The following PRPF4 variants were observed in gnomAD, a reference collection of about 807,000 sequenced individuals.
PRPF4 encodes the protein U4/U6 small nuclear ribonucleoprotein Prp4.
Under a neutral mutation model 72.2 loss-of-function variants are expected in PRPF4, and 14 were observed. That is an observed-to-expected ratio of 0.19 (90% CI 0.13 to 0.30). The LOEUF (loss-of-function observed/expected upper bound fraction) is 0.30. Ranked by LOEUF, PRPF4 falls within the 10% of genes least tolerant of loss-of-function variation. The pLI, the probability that PRPF4 is intolerant of heterozygous loss-of-function variation, is 1.00. For synonymous variants in PRPF4, 225 were observed against 232.2 expected (o/e 0.97, Z 0.28); for missense variants, 478 against 653.9 (o/e 0.73, Z 2.93).
rs113035853 is a variant in PRPF4 at position 113,287,850 on chromosome 9, C to A, written c.933-325C>A. Among the ~76,000 whole-genome samples the A allele has an allele frequency of 1.2e-3, 179 of 152,294 alleles. 1 individual carries two copies. Among genetic ancestry groups the A allele is most frequent in the African/African-American group, 4.0e-3 (166 of 41,558 alleles). The stretch of plus-strand genomic sequence containing the variant: ...TAATGGCCACCAAAAGGAGACTAAG[C>A]CTCATCTCTATTTAGGAGTTCCTTT... On this transcript the variant is annotated intron_variant, in intron 9 of 13. Coordinates refer to ENST00000374198, the MANE Select transcript of PRPF4 (RefSeq NM_001244926.2).
At chr9:113,290,850 G>A in intron 12 of PRPF4, 43 bp downstream of exon 12, 1 of 1,612,148 alleles carries the variant, frequency 6.2e-7, no homozygotes, top group East Asian at 2.2e-5. Context: ...AGGGTTCTGG[G>A]TCAGTAAGTA....
At chr9:113,282,841 T>A (rs1473100126) in intron 4 of PRPF4, 108 bp downstream of exon 4, 1 of 1,086,048 alleles carries the variant, frequency 9.2e-7, no homozygotes, top group African/African-American at 1.6e-5. Flanking sequence ...GGGGGAAATG[T>A]TTTTGAAGGC....
chr9:113,282,578 A>G lies in PRPF4; in HGVS notation c.393-68A>G, dbSNP rs1000777457. ...ATAACAGTGTTTAAAACTGTGTTAA[A>G]GTGTACTTTAAAAACAGTATTATCT... On this transcript the variant is annotated intron_variant, in intron 3 of 13. Transcript: ENST00000374198. 2.3e-5 allele frequency: 28 copies of G among 1,225,254 alleles called. No individual in the cohort carries two copies. In the South Asian group the frequency reaches 3.9e-4, roughly 17 times the overall value. The allele number at this position is 1,225,254 out of a possible 1,614,324, so 75.9% of individuals were successfully genotyped here.
At chr9:113,277,189 C>A (rs897687347) in intron 2 of PRPF4, among the ~76,000 whole-genome samples, 3 of 152,054 alleles carry the variant, frequency 2.0e-5, no homozygotes, top group Non-Finnish European at 2.9e-5. Flanking sequence ...GAGCCTTTTT[C>A]TTACAATCTG....
chr9:113,292,241 C>G lies in PRPF4; in HGVS notation c.*581C>G, dbSNP rs1018307918. Reference sequence around the variant, plus strand: ...AAAAAAAAAAAATTTGTTCGAATGCCTTATAGCCTTCCTCACAGCACCCAG... The same window carrying G: ...AAAAAAAAAAAATTTGTTCGAATGCGTTATAGCCTTCCTCACAGCACCCAG... On this transcript the variant is annotated 3_prime_UTR_variant, in exon 14 of 14. Transcript: ENST00000374198. 1 of 152,440 alleles carries G rather than the reference C, an allele frequency of 6.6e-6. No individual in the cohort carries two copies. Among genetic ancestry groups the G allele is most frequent in the Non-Finnish European group, 1.5e-5 (1 of 68,362 alleles). 9.4% of individuals were successfully genotyped at this position (152,440 alleles called of 1,614,324 possible).
At chr9:113,282,512 A>G in intron 3 of PRPF4, 134 bp from the exon 4 acceptor site, 1 of 639,986 alleles carries the variant, frequency 1.6e-6, no homozygotes, top group Non-Finnish European at 2.6e-6. Context: ...TTGAACAGTG[A>G]GAGAATAGTA....
Position 113,291,631 on chromosome 9 carries a change from A to C in PRPF4, c.1537A>C (p.Arg513=), listed in dbSNP as rs755480743. The part of the protein sequence containing the change: ...GQLIATCSYD[R]TFKLWMAE The stretch of plus-strand genomic sequence containing the variant: ...GCTCATAGCCACTTGCTCATATGAC[A>C]GGACCTTCAAGCTGTGGATGGCTGA... The change falls in exon 14 of 14, where the codon AGG becomes CGG. Residue 513 remains arginine, a synonymous_variant. Transcript: ENST00000374198. 1 of 1,614,224 alleles carries C rather than the reference A, an allele frequency of 6.2e-7. No homozygotes were observed. Among genetic ancestry groups the C allele is most frequent in the Non-Finnish European group, 8.5e-7 (1 of 1,180,038 alleles).
chr9:113,281,325 A>AT (rs1832276502), intron 3 of PRPF4, among the ~76,000 whole-genome samples: 1 of 151,920 alleles, frequency 6.6e-6, no homozygotes, highest in Non-Finnish European at 1.5e-5. Context: ...CTTTTTTATT[A>AT]TTGTTTAGTT....
At position 113,282,627 on chromosome 9, in the gene PRPF4, T is replaced by C. The variant is rs1316964481; in HGVS notation, c.393-19T>C. On this transcript the variant is annotated intron_variant, in intron 3 of 13. Coordinates refer to ENST00000374198, the MANE Select transcript of PRPF4 (RefSeq NM_001244926.2). ...CTCAACCATGTTTAAATTCTGATCT[T>C]TTTTTTTTTTTTTAACAGGTTAAGA... 1 of 1,274,314 alleles carries C rather than the reference T, an allele frequency of 7.8e-7. No homozygotes were observed. The highest frequency in any genetic ancestry group is 2.4e-5 in the Admixed American group (1 of 41,650). The allele number at this position is 1,274,314 out of a possible 1,614,324, so 78.9% of individuals were successfully genotyped here. A position where few individuals can be genotyped will look rare whatever the true frequency, so the allele number is the denominator to read the frequency against.
In PRPF4 at chr9:113,279,054, A is replaced by G. The variant is rs1292409243; in HGVS notation, c.315A>G (p.Ser105=). ...ARQINVSTDD[S]EVKACLRALG... ...AGATCAATGTTTCCACAGATGACTC[A>G]GAGGTCAAAGCTTGCCTTAGAGCCT... Residue 105 remains serine, a synonymous_variant, in exon 3 of 14, where the codon TCA becomes TCG. Transcript: ENST00000374198. The G allele has an allele frequency of 6.2e-7, 1 of 1,614,240 alleles. No homozygotes were observed. The highest frequency in any genetic ancestry group is 1.3e-5 in the African/African-American group (1 of 75,080).
chr9:113,275,718 G>C lies in PRPF4; in HGVS notation c.-26G>C. On this transcript the variant is annotated 5_prime_UTR_variant, in exon 1 of 14. Coordinates refer to ENST00000374198, the MANE Select transcript of PRPF4 (RefSeq NM_001244926.2). Reference sequence around the variant, plus strand: ...TGAAAGGGAGTGTTCGGGTTTCGCTGGGGCCTCGCGGCTCCAGAGCCCAGC... The same window carrying C: ...TGAAAGGGAGTGTTCGGGTTTCGCTCGGGCCTCGCGGCTCCAGAGCCCAGC... The C allele has an allele frequency of 1.9e-6, 3 of 1,608,070 alleles. No homozygotes were observed. Among genetic ancestry groups the C allele is most frequent in the Non-Finnish European group, 8.5e-7 (1 of 1,177,100 alleles).
At chr9:113,276,843 T>C (rs1832115775) in intron 2 of PRPF4, 118 bp downstream of exon 2, 5 of 1,165,320 alleles carry the variant, frequency 4.3e-6, no homozygotes, top group Non-Finnish European at 6.0e-6. Flanking sequence ...TTAAACAGAG[T>C]CTCGCTCTGT....
In PRPF4 at chr9:113,291,844, G is replaced by T; in HGVS notation, c.*184G>T. On this transcript the variant is annotated 3_prime_UTR_variant, in exon 14 of 14. Coordinates refer to ENST00000374198, the MANE Select transcript of PRPF4 (RefSeq NM_001244926.2). ...AAGGCAGCCCAATCCCTAGGTGATG[G>T]GGAACCCCTCTCACGGTTGAAAATT... 2 of 592,146 alleles carry T rather than the reference G, an allele frequency of 3.4e-6. No individual in the cohort carries two copies. The highest frequency in any genetic ancestry group is 5.8e-6 in the Non-Finnish European group (2 of 344,568). The allele number at this position is 592,146 out of a possible 1,614,324, so 36.7% of individuals were successfully genotyped here.
intron 6 of PRPF4, among the ~76,000 whole-genome samples, 188 bp from the exon 7 acceptor site, chr9:113,284,107 T>G (rs555822026): frequency 4.6e-4 from 70 of 150,720 alleles, no homozygotes; most frequent in Middle Eastern, 3.5e-3. Flanking sequence ...AACAGCATGC[T>G]GGAGTTTCAT....
intron 1 of PRPF4, among the ~76,000 whole-genome samples, chr9:113,276,342 C>T (rs977743639): frequency 2.6e-5 from 4 of 152,152 alleles, no homozygotes; most frequent in Non-Finnish European, 4.4e-5. Flanking sequence ...TTATTAATCC[C>T]ATCAACCAAA....
Position 113,275,723 on chromosome 9 carries a change from C to G in PRPF4, c.-21C>G, listed in dbSNP as rs574604249. 2.8e-5 allele frequency: 45 copies of G among 1,608,820 alleles called. No individual in the cohort carries two copies. The Admixed American group carries it at 5.7e-4, about 20-fold the overall frequency. Reference sequence around the variant, plus strand: ...GGGAGTGTTCGGGTTTCGCTGGGGCCTCGCGGCTCCAGAGCCCAGCATGGC... The same window carrying G: ...GGGAGTGTTCGGGTTTCGCTGGGGCGTCGCGGCTCCAGAGCCCAGCATGGC... On this transcript the variant is annotated 5_prime_UTR_variant, in exon 1 of 14. Coordinates refer to ENST00000374198, the MANE Select transcript of PRPF4 (RefSeq NM_001244926.2).
chr9:113,279,335 T>TTTTTGTTTTGTTTTG (rs148026338), intron 3 of PRPF4, among the ~76,000 whole-genome samples: 6 of 150,212 alleles, frequency 4.0e-5, no homozygotes, highest in African/African-American at 9.9e-5. Context: ...TGTTTGTTCG[T>TTTTTGTTTTGTTTTG]TTTTGTTTTG....
intron 13 of PRPF4, 69 bp from the exon 14 acceptor site, chr9:113,291,398 T>C: frequency 2.1e-6 from 3 of 1,458,234 alleles, no homozygotes; most frequent in Non-Finnish European, 2.8e-6. Flanking sequence ...TTTTGCAGAC[T>C]TTTGTGCTTT....
chr9:113,286,816 G>A lies in PRPF4; in HGVS notation c.920G>A (p.Trp307Ter). 6.2e-7 allele frequency: 1 copy of A among 1,614,154 alleles called. No homozygotes were observed. The highest frequency in any genetic ancestry group is 8.5e-7 in the Non-Finnish European group (1 of 1,180,004). The change falls in exon 9 of 14, where the codon TGG becomes TAG. Residue 307 changes from tryptophan to a stop codon, truncating the protein, a stop_gained. Coordinates refer to ENST00000374198, the MANE Select transcript of PRPF4 (RefSeq NM_001244926.2). LOFTEE classifies it high-confidence loss of function. Reference sequence around the variant, plus strand: ...GCGGCTGATGGCTCTGTGAAGCTTTGGAGTCTCGACAGGTGAATATCACTG... The same window carrying A: ...GCGGCTGATGGCTCTGTGAAGCTTTAGAGTCTCGACAGGTGAATATCACTG... ...SCAADGSVKL[W>*]SLDSDEPVAD...
Sources: gnomAD v4.1 joint callset for allele counts (sites outside exome capture counted in the v4.1 genomes callset) on GRCh38, gnomAD v4.1.1 for gene constraint, MANE v1.5 for transcripts, NCBI Gene and HGNC (gene_info 2026-07-23, HGNC 2026-07-21) for gene names.